RYR2: variants seen among roughly 807,000 people sequenced by gnomAD.
The protein encoded by RYR2 is ryanodine receptor 2, also known as cardiac muscle ryanodine receptor-calcium release channel.
RYR2 carries 227 observed loss-of-function variants against 601.1 expected under a neutral mutation model. The ratio of observed to expected loss-of-function variants is 0.38; its 90% CI spans 0.34 to 0.42. The LOEUF is 0.42. Ranked by LOEUF, RYR2 falls within the 10% of genes least tolerant of loss-of-function variation. The pLI is 1.00. For synonymous variants in RYR2, 2,223 were observed against 2,175.1 expected, an observed-to-expected ratio of 1.02 and a Z score of -0.61; for missense variants, 4,646 against 6,156.5, an observed-to-expected ratio of 0.75 and a Z score of 8.21.
intron 34 of RYR2, among the ~76,000 whole-genome samples, chr1:237,596,116 A>G (rs1675867431): frequency 6.6e-6 from 1 of 152,228 alleles, no homozygotes; most frequent in Non-Finnish European, 1.5e-5. Context: ...ATGAACAGAT[A>G]TCAAAGGAAC....
intron 91 of RYR2, 164 bp from the exon 92 acceptor site, chr1:237,787,824 C>T (rs1305027801): frequency 3.0e-6 from 2 of 667,324 alleles, no homozygotes; most frequent in Non-Finnish European, 2.5e-6. Flanking sequence ...AAAATCCTAC[C>T]CCTGATTCTA....
chr1:237,705,359 GT>G lies in RYR2; in HGVS notation c.9580+17del. ...GAAAGAGCAGGTAACACAGAAACAT[GT>G]GCAGTGCTTTGAGATATGAAGCTAA... On this transcript the variant is annotated intron_variant, in intron 67 of 104. Transcript: ENST00000366574. 2 of 1,594,414 alleles carry G rather than the reference GT, an allele frequency of 1.3e-6. No homozygotes were observed. Among genetic ancestry groups the G allele is most frequent in the Non-Finnish European group, 1.7e-6 (2 of 1,168,024 alleles).
chr1:237,525,235 T>TAAA lies in RYR2; in HGVS notation c.2823-5192_2823-5191insAAA, dbSNP rs566416084. On this transcript the variant is annotated intron_variant, in intron 24 of 104. Transcript: ENST00000366574. The stretch of plus-strand genomic sequence containing the variant: ...GAGAGTATGAAGTATTTAATTTTCT[T>TAAA]TTAAATGATGAGGATAATGGCCTCC... 6.3e-3 allele frequency among the ~76,000 whole-genome samples: 959 copies of TAAA among 152,286 alleles called. 8 individuals are homozygous for TAAA. The highest frequency in any genetic ancestry group is 0.041 in the Middle Eastern group (12 of 294).
intron 73 of RYR2, among the ~76,000 whole-genome samples, chr1:237,721,061 A>G (rs1024344661): frequency 5.3e-5 from 8 of 152,234 alleles, no homozygotes; most frequent in African/African-American, 1.9e-4. Flanking sequence ...CATATTAATG[A>G]GATACACAGA....
At chr1:237,341,522 G>T in intron 3 of RYR2, 3 of 389,576 alleles carry the variant, frequency 7.7e-6, no homozygotes, top group South Asian at 1.9e-5. Context: ...CTATGTATTC[G>T]CGGTCTGTTT....
intron 2 of RYR2, among the ~76,000 whole-genome samples, chr1:237,304,310 C>T (rs1297242319): frequency 6.6e-6 from 1 of 152,206 alleles, no homozygotes; most frequent in East Asian, 1.9e-4. Flanking sequence ...GTCCCTTCAG[C>T]TTCTTTTGTT....
Position 237,283,142 on chromosome 1 carries a change from G to A in RYR2, c.168+12526G>A, listed in dbSNP as rs142886197. Among the ~76,000 whole-genome samples the A allele has an allele frequency of 1.2e-3, 176 of 152,292 alleles. 1 individual carries two copies. Among genetic ancestry groups the A allele is most frequent in the Non-Finnish European group, 2.0e-3 (138 of 68,018 alleles). On this transcript the variant is annotated intron_variant, in intron 2 of 104. Transcript: ENST00000366574. ...CTTGCGCGTTCTTCACCTGAAGGAAGTCTCTTCATTGTTTAGGTATCTGTC... is the reference window on the plus strand; with the variant it reads ...CTTGCGCGTTCTTCACCTGAAGGAAATCTCTTCATTGTTTAGGTATCTGTC...
chr1:237,818,950 T>C, intron 100 of RYR2, 86 bp from the exon 101 acceptor site: 1 of 1,190,442 alleles, frequency 8.4e-7, no homozygotes, highest in Non-Finnish European at 1.2e-6. Context: ...GAGTGAGGAT[T>C]AGGAACTACA....
chr1:237,323,927 A>C (rs770457582), intron 2 of RYR2, among the ~76,000 whole-genome samples: 1 of 152,226 alleles, frequency 6.6e-6, no homozygotes, highest in Non-Finnish European at 1.5e-5. Flanking sequence ...ATGAGTTGAC[A>C]CAGGAAAAAT....
intron 1 of RYR2, among the ~76,000 whole-genome samples, chr1:237,073,220 G>T (rs2148339823): frequency 6.6e-6 from 1 of 152,302 alleles, no homozygotes; most frequent in East Asian, 1.9e-4. Flanking sequence ...TTTGTGGTGG[G>T]TGTTGAGAAT....
chr1:237,638,956 T>A, intron 45 of RYR2, 59 bp from the exon 46 acceptor site: 1 of 1,561,530 alleles, frequency 6.4e-7, no homozygotes, highest in South Asian at 1.2e-5. Flanking sequence ...ATAACATTTA[T>A]TTGTTCAGAA....
intron 80 of RYR2, among the ~76,000 whole-genome samples, chr1:237,752,306 C>A (rs946394012): frequency 4.6e-5 from 7 of 152,098 alleles, no homozygotes; most frequent in Admixed American, 4.6e-4. Context: ...GTGCACACCA[C>A]GAAGCCTGGC....
In RYR2 at chr1:237,077,364, C is replaced by T. The variant is rs570888241; in HGVS notation, c.48+34795C>T. On this transcript the variant is annotated intron_variant, in intron 1 of 104. Coordinates refer to ENST00000366574, the MANE Select transcript of RYR2 (RefSeq NM_001035.3). ...TAAAGAGTCAAGACCCATCAGTGTG[C>T]TGTATTCAGGAAACCCATCTCACAT... Among the ~76,000 whole-genome samples the T allele has an allele frequency of 4.0e-4, 49 of 121,556 alleles. No homozygotes were observed. In the South Asian group the frequency reaches 0.015, roughly 36 times the overall value. 79.7% of individuals were successfully genotyped at this position (121,556 alleles called of 152,430 possible). A position where few individuals can be genotyped will look rare whatever the true frequency, so the allele number is the denominator to read the frequency against.
intron 24 of RYR2, among the ~76,000 whole-genome samples, chr1:237,518,255 T>C (rs1037827938): frequency 6.6e-6 from 1 of 152,048 alleles, no homozygotes; most frequent in African/African-American, 2.4e-5. Context: ...TTCTATTGTT[T>C]TTTTTTGCCT....
At chr1:237,255,849 G>GTA (rs1553367081) in intron 1 of RYR2, among the ~76,000 whole-genome samples, 1 of 151,566 alleles carries the variant, frequency 6.6e-6, no homozygotes, top group Non-Finnish European at 1.5e-5. Flanking sequence ...GTGTGTGTGT[G>GTA]TGTGTGTGTG....
At chr1:237,709,205 G>T in intron 69 of RYR2, 107 bp downstream of exon 69, 1 of 1,073,436 alleles carries the variant, frequency 9.3e-7, no homozygotes, top group African/African-American at 1.6e-5. Context: ...TGAGCTTGTT[G>T]GTAATTATAA....
At chr1:237,786,833 T>TC (rs1173666976) in intron 91 of RYR2, among the ~76,000 whole-genome samples, 1 of 152,178 alleles carries the variant, frequency 6.6e-6, no homozygotes, top group East Asian at 1.9e-4. Flanking sequence ...TTATTTTCTT[T>TC]GGTCTGTTTT....
intron 20 of RYR2, 114 bp from the exon 21 acceptor site, chr1:237,500,597 T>A (rs1446730870): frequency 1.3e-6 from 1 of 787,976 alleles, no homozygotes; most frequent in Non-Finnish European, 2.0e-6. Flanking sequence ...TTATTCCTTC[T>A]GATGTTGTGC....
rs1460829940 is a variant in RYR2 at position 237,441,315 on chromosome 1, T to A, written c.1006-4T>A. On this transcript the variant is annotated splice_region_variant and splice_polypyrimidine_tract_variant and intron_variant, in intron 12 of 104. Transcript: ENST00000366574. ...CTGACCTTTTTTTCCTCCTCTCCCC[T>A]TAGGAAAAATTGGATGTAGGGGTGA... 1 of 1,613,402 alleles carries A rather than the reference T, an allele frequency of 6.2e-7. No homozygotes were observed. Among genetic ancestry groups the A allele is most frequent in the Non-Finnish European group, 8.5e-7 (1 of 1,179,524 alleles).
Sources: allele counts gnomAD v4.1 joint callset (sites outside exome capture counted in the v4.1 genomes callset), GRCh38; gene constraint gnomAD v4.1.1; transcripts MANE v1.5; gene names NCBI Gene and HGNC (gene_info 2026-07-23, HGNC 2026-07-21).